The following RXRA variants were observed in gnomAD, a reference collection of about 807,000 sequenced individuals.
RXRA encodes the protein retinoic acid receptor RXR-alpha.
A neutral mutation model predicts 44.5 loss-of-function variants in RXRA; 5 were observed. The observed-to-expected ratio is 0.11, with a 90% CI of 0.06 to 0.24. RXRA has a LOEUF of 0.24. Ranked by LOEUF, RXRA falls within the 10% of genes least tolerant of loss-of-function variation. RXRA has a pLI of 1.00. For synonymous variants in RXRA, 291 were observed against 271.4 expected, an observed-to-expected ratio of 1.07 and a Z score of -0.71; for missense variants, 412 against 646.5, an observed-to-expected ratio of 0.64 and a Z score of 3.93.
intron 1 of RXRA, among the ~76,000 whole-genome samples, chr9:134,396,133 G>C (rs1830875144): frequency 6.6e-6 from 1 of 152,212 alleles, no homozygotes; most frequent in Non-Finnish European, 1.5e-5. Flanking sequence ...TAGGCTAAGG[G>C]GTTGCCTAGG....
intron 1 of RXRA, among the ~76,000 whole-genome samples, chr9:134,394,072 G>T (rs141761126): frequency 2.0e-5 from 1 of 49,902 alleles, no homozygotes; most frequent in Non-Finnish European, 4.5e-5. Context: ...CAGTGGAGCA[G>T]GGCAAGGGGT....
intron 1 of RXRA, among the ~76,000 whole-genome samples, chr9:134,374,686 A>G (rs1274951450): frequency 1.3e-5 from 2 of 152,220 alleles, no homozygotes; most frequent in East Asian, 3.9e-4. Flanking sequence ...AGTGGGTGGT[A>G]AAATTTAGAC....
chr9:134,391,894 C>T (rs755989848), intron 1 of RXRA, among the ~76,000 whole-genome samples: 34 of 152,202 alleles, frequency 2.2e-4, no homozygotes, highest in Non-Finnish European at 3.8e-4. Context: ...CCCTGCAGGA[C>T]GGGGGCAGGA....
At chr9:134,434,696 G>T (rs1831586941) in intron 9 of RXRA, among the ~76,000 whole-genome samples, 2 of 152,262 alleles carry the variant, frequency 1.3e-5, no homozygotes, top group Non-Finnish European at 2.9e-5. Flanking sequence ...CCCTGGAAGG[G>T]CTGGGGCTCC....
At chr9:134,404,996 G>C (rs933580967) in intron 2 of RXRA, 1 of 152,334 alleles carries the variant, frequency 6.6e-6, no homozygotes, top group Non-Finnish European at 1.5e-5. Context: ...CACGCGTGGA[G>C]TCCTGAGGCT....
intron 1 of RXRA, among the ~76,000 whole-genome samples, chr9:134,334,540 T>C (rs554738208): frequency 9.8e-5 from 15 of 152,318 alleles, no homozygotes; most frequent in African/African-American, 3.1e-4. Flanking sequence ...GCGGTGGCAG[T>C]GTGTGCTGAG....
At chr9:134,424,365 C>T (rs776646837) in intron 6 of RXRA, 12 of 985,260 alleles carry the variant, frequency 1.2e-5, no homozygotes, top group African/African-American at 3.5e-5. Context: ...GAGATCTCTG[C>T]GGCTGCATGT....
intron 6 of RXRA, chr9:134,422,674 C>T: frequency 3.0e-6 from 3 of 985,038 alleles, no homozygotes; most frequent in Non-Finnish European, 3.6e-6. Context: ...ACTCCCCACT[C>T]CCGGGACACT....
chr9:134,426,769 G>T lies in RXRA; in HGVS notation c.911-2339G>T, dbSNP rs775626925. 3.0e-6 allele frequency: 3 copies of T among 985,292 alleles called. No individual in the cohort carries two copies. Among genetic ancestry groups the T allele is most frequent in the Non-Finnish European group, 3.6e-6 (3 of 829,932 alleles). The allele number at this position is 985,292 out of a possible 1,614,324, so 61.0% of individuals were successfully genotyped here. On this transcript the variant is annotated intron_variant, in intron 6 of 9. Transcript: ENST00000481739. The surrounding 1 kb of genome is among the most constrained non-coding windows in gnomAD (Gnocchi z 4.6). ...TGCAGGATGTGAGGGAGAGAGGCAG[G>T]CCCGAGAGGCCAGGACTGGCCAGGG...
At chr9:134,388,286 T>TGTGTGTGTGTGA (rs71381810) in intron 1 of RXRA, among the ~76,000 whole-genome samples, 4 of 150,884 alleles carry the variant, frequency 2.7e-5, no homozygotes, top group Admixed American at 6.6e-5. Context: ...AGAAGCAGTG[T>TGTGTGTGTGTGA]GTGTGTGAGT....
At chr9:134,364,959 C>A (rs545179293) in intron 1 of RXRA, among the ~76,000 whole-genome samples, 1 of 152,232 alleles carries the variant, frequency 6.6e-6, no homozygotes. Context: ...GGGTCCCTCC[C>A]CTTCTGCTTA....
chr9:134,422,132 C>T, intron 6 of RXRA: 1 of 1,321,168 alleles, frequency 7.6e-7, no homozygotes, highest in African/African-American at 1.5e-5. Context: ...GGACACTCCC[C>T]ACTCCTGGGA....
intron 6 of RXRA, chr9:134,424,786 C>A (rs779752258): frequency 2.0e-6 from 2 of 985,344 alleles, no homozygotes; most frequent in African/African-American, 3.5e-5. Context: ...GGACTCTGTC[C>A]CCCTCCAGGG....
At chr9:134,363,959 C>A (rs1588265689) in intron 1 of RXRA, among the ~76,000 whole-genome samples, 1 of 152,306 alleles carries the variant, frequency 6.6e-6, no homozygotes, top group Admixed American at 6.5e-5. Context: ...AGGGTTGTGC[C>A]AAGAGCCTTG....
At chr9:134,391,559 T>G (rs547365661) in intron 1 of RXRA, among the ~76,000 whole-genome samples, 156 of 152,324 alleles carry the variant, frequency 1.0e-3, no homozygotes, top group African/African-American at 3.5e-3. Flanking sequence ...CCACTCACCC[T>G]CCTCGAAGGT....
chr9:134,363,045 C>A (rs1359076365), intron 1 of RXRA, among the ~76,000 whole-genome samples: 1 of 152,222 alleles, frequency 6.6e-6, no homozygotes, highest in East Asian at 1.9e-4. Flanking sequence ...TTTCTCTTGC[C>A]CCTTCTCCCA....
At chr9:134,336,839 C>T (rs1373098781) in intron 1 of RXRA, among the ~76,000 whole-genome samples, 2 of 152,242 alleles carry the variant, frequency 1.3e-5, no homozygotes, top group Non-Finnish European at 2.9e-5. Context: ...TTTCTCAAAT[C>T]GTGACCATGA....
intron 6 of RXRA, among the ~76,000 whole-genome samples, chr9:134,428,653 C>CA (rs1275940087): frequency 6.6e-6 from 1 of 152,224 alleles, no homozygotes; most frequent in Non-Finnish European, 1.5e-5. Context: ...CTGCGGCTCT[C>CA]ACGCACCTGC....
At chr9:134,357,671 A>G (rs1047968754) in intron 1 of RXRA, among the ~76,000 whole-genome samples, 8 of 152,176 alleles carry the variant, frequency 5.3e-5, no homozygotes, top group African/African-American at 1.9e-4. Flanking sequence ...TTGCTAGGGA[A>G]TGCCCTGCTT....
Sources: gnomAD v4.1 joint callset for allele counts (sites outside exome capture counted in the v4.1 genomes callset) on GRCh38, gnomAD v4.1.1 for gene constraint, Gnocchi (gnomAD v3.1) non-coding constraint, MANE v1.5 for transcripts, NCBI Gene and HGNC (gene_info 2026-07-23, HGNC 2026-07-21) for gene names.